The following NCBP2L variants were observed in gnomAD, a reference collection of about 807,000 sequenced individuals.
NCBP2L encodes nuclear cap-binding protein subunit 2-like.
For synonymous variants in NCBP2L, 39 were observed against 19.2 expected, an observed-to-expected ratio of 2.04 and a Z score of -2.70; for missense variants, 95 against 53.1, an observed-to-expected ratio of 1.79 and a Z score of -2.45.
chrX:107,781,692 C>CTCTCTATATATATATATATATA (rs1395038482), intron 1 of NCBP2L, among the ~76,000 whole-genome samples: 2 of 66,919 alleles, frequency 3.0e-5, no homozygotes, highest in African/African-American at 8.5e-5. Flanking sequence ...CTCTCTCTCT[C>CTCTCTATATATATATATATATA]TATATATATA....
At chrX:107,783,858 ATG>A (rs756413239) in intron 1 of NCBP2L, among the ~76,000 whole-genome samples, 340 of 96,245 alleles carry the variant, frequency 3.5e-3, no homozygotes, top group Middle Eastern at 0.011. Flanking sequence ...TGGTGTGCGT[ATG>A]TGTGTGTGTG....
chrX:107,781,651 C>CTATT (rs1405952181), intron 1 of NCBP2L, among the ~76,000 whole-genome samples: 5 of 65,210 alleles, frequency 7.7e-5, no homozygotes, highest in East Asian at 4.0e-4. Flanking sequence ...ATCTATCTAT[C>CTATT]ATCTATCTAT....
At chrX:107,780,898 G>A (rs1930256391) in intron 1 of NCBP2L, among the ~76,000 whole-genome samples, 1 of 108,655 alleles carries the variant, frequency 9.2e-6, no homozygotes, top group African/African-American at 3.4e-5. Context: ...GAAGTTCTGG[G>A]ATTACAGGAG....
At chrX:107,778,030 G>A (rs1360295270) in intron 1 of NCBP2L, among the ~76,000 whole-genome samples, 172 bp downstream of exon 1, 1 of 102,986 alleles carries the variant, frequency 9.7e-6, no homozygotes. Context: ...TTTTTTAAAT[G>A]TTCTTGGGTA....
At chrX:107,787,680 T>C (rs1172227837) in intron 1 of NCBP2L, among the ~76,000 whole-genome samples, 1 of 111,919 alleles carries the variant, frequency 8.9e-6, no homozygotes, top group Non-Finnish European at 1.9e-5. Flanking sequence ...GGCCACAGGG[T>C]TCCAGTCCTC....
intron 1 of NCBP2L, among the ~76,000 whole-genome samples, chrX:107,787,097 C>G (rs751409090): frequency 7.2e-5 from 8 of 111,784 alleles, no homozygotes; most frequent in Non-Finnish European, 1.5e-4. Flanking sequence ...ACCTGAAACT[C>G]GTTAAAATGA....
chrX:107,787,069 G>C (rs912813142), intron 1 of NCBP2L, among the ~76,000 whole-genome samples: 16 of 111,507 alleles, frequency 1.4e-4, no homozygotes, highest in African/African-American at 4.9e-4. Context: ...TTCTCAAACT[G>C]TACTGTGCAC....
At chrX:107,782,305 A>G (rs1161762040) in intron 1 of NCBP2L, among the ~76,000 whole-genome samples, 3 of 36,840 alleles carry the variant, frequency 8.1e-5, no homozygotes, top group East Asian at 1.7e-3. Flanking sequence ...ATATAAATAT[A>G]TATATAAATA....
intron 1 of NCBP2L, among the ~76,000 whole-genome samples, chrX:107,790,586 C>T (rs778227487): frequency 3.6e-4 from 40 of 111,120 alleles, no homozygotes; most frequent in Non-Finnish European, 4.3e-4. Context: ...CCCCCCATCA[C>T]GCCTTCATGC....
At chrX:107,778,934 T>C (rs1017678146) in intron 1 of NCBP2L, among the ~76,000 whole-genome samples, 1 of 110,711 alleles carries the variant, frequency 9.0e-6, no homozygotes, top group Non-Finnish European at 1.9e-5. Flanking sequence ...CTGGTGTGTG[T>C]AGGGGGAATA....
intron 1 of NCBP2L, among the ~76,000 whole-genome samples, chrX:107,793,459 C>T (rs993516950): frequency 9.0e-6 from 1 of 111,377 alleles, no homozygotes; most frequent in Admixed American, 9.6e-5. Flanking sequence ...GTGTTTAATG[C>T]CTCCGAATGC....
chrX:107,785,936 G>A (rs1195862165), intron 1 of NCBP2L, among the ~76,000 whole-genome samples: 1 of 109,850 alleles, frequency 9.1e-6, no homozygotes, highest in Non-Finnish European at 1.9e-5. Context: ...ATTGTTTGTA[G>A]ATCCCAAGCT....
At chrX:107,782,222 A>AAATATATATATATAAATATATATATAAAT (rs1569457237) in intron 1 of NCBP2L, among the ~76,000 whole-genome samples, 2 of 16,783 alleles carry the variant, frequency 1.2e-4, no homozygotes, top group East Asian at 3.4e-3. Context: ...TATATATATA[A>AAATATATATATATAAATATATATATAAAT]ATATATATAT....
intron 1 of NCBP2L, among the ~76,000 whole-genome samples, chrX:107,780,728 C>T (rs1486112589): frequency 1.9e-5 from 2 of 105,066 alleles, no homozygotes; most frequent in Non-Finnish European, 3.9e-5. Flanking sequence ...CTCCCGGGTT[C>T]GAGCGATTCT....
At chrX:107,793,120 G>T (rs1030590323) in intron 1 of NCBP2L, among the ~76,000 whole-genome samples, 1 of 111,974 alleles carries the variant, frequency 8.9e-6, no homozygotes, top group Non-Finnish European at 1.9e-5. Flanking sequence ...ATAGTGTCTG[G>T]CAAGTAGAGT....
At chrX:107,780,126 G>A (rs1466154960) in intron 1 of NCBP2L, among the ~76,000 whole-genome samples, 1 of 111,307 alleles carries the variant, frequency 9.0e-6, no homozygotes, top group East Asian at 2.9e-4. Context: ...AGAGGCCGGG[G>A]TGGGCGGATC....
rs765528183 is a variant in NCBP2L, at chrX:107,788,513, C to G, written c.-72-5636C>G. Among the ~76,000 whole-genome samples, 31 of 112,400 alleles carry G rather than the reference C, an allele frequency of 2.8e-4. No individual in the cohort carries two copies. The South Asian group carries it at 0.012, about 42-fold the overall frequency. Reference sequence around the variant, plus strand: ...CCAATTTCTAATCAGTCCTCAGTTACTTCTTGACCCTTCATTCATTCAATA... The same window carrying G: ...CCAATTTCTAATCAGTCCTCAGTTAGTTCTTGACCCTTCATTCATTCAATA... On this transcript the variant is annotated intron_variant, in intron 1 of 1. Transcript: ENST00000509000.
chrX:107,781,692 C>CTCTCTCTCTCTCTATATATATA lies in NCBP2L; in HGVS notation c.-73+3835_-73+3836insCTCTCTCTCTCTATATATATAT, dbSNP rs1395038482. ...TATCTATCTATCTCTCTCTCTCTCT[C>CTCTCTCTCTCTCTATATATATA]TATATATATATATATATAGATCTAT... On this transcript the variant is annotated intron_variant, in intron 1 of 1. Transcript: ENST00000509000. 1.1e-3 allele frequency among the ~76,000 whole-genome samples: 73 copies of CTCTCTCTCTCTCTATATATATA among 66,897 alleles called. 1 individual carries two copies. The highest frequency in any genetic ancestry group is 1.3e-3 in the South Asian group (2 of 1,495). The allele number at this position is 66,897 out of a possible 115,157, so 58.1% of individuals were successfully genotyped here.
At chrX:107,786,178 G>A (rs1282551227) in intron 1 of NCBP2L, among the ~76,000 whole-genome samples, 1 of 110,816 alleles carries the variant, frequency 9.0e-6, no homozygotes, top group Admixed American at 9.7e-5. Context: ...CCTAGCCTTT[G>A]TGACCACTCC....
Sources: allele counts gnomAD v4.1 joint callset (sites outside exome capture counted in the v4.1 genomes callset), GRCh38; gene constraint gnomAD v4.1.1; transcripts MANE v1.5; gene names NCBI Gene and HGNC (gene_info 2026-07-23, HGNC 2026-07-21).